MYCBP2: variants seen among roughly 807,000 people sequenced by gnomAD.
The protein encoded by MYCBP2 is MYC binding protein 2.
In MYCBP2, 120 loss-of-function variants were observed where a neutral mutation model predicts 525.3. That is an observed-to-expected ratio of 0.23 (90% confidence interval 0.20 to 0.27). The LOEUF (loss-of-function observed/expected upper bound fraction) is 0.27, where lower values mean the gene tolerates loss of function less well. MYCBP2 is among the 10% of genes least tolerant of loss of function. MYCBP2 has a pLI of 1.00. For missense variants in MYCBP2, 4,149 were observed against 5,657.1 expected (o/e 0.73, Z 8.55); for synonymous variants, 1,894 against 1,955.8 (o/e 0.97, Z 0.83).
At chr13:77,051,988 C>T (rs1274671180) in intron 80 of MYCBP2, 70 bp from the exon 81 acceptor site, 1 of 1,175,358 alleles carries the variant, frequency 8.5e-7, no homozygotes, top group Non-Finnish European at 1.3e-6. Context: ...ACAGTATGGG[C>T]ATAGTGAAAG....
intron 72 of MYCBP2, 104 bp from the exon 73 acceptor site, chr13:77,064,838 T>C: frequency 8.9e-7 from 1 of 1,120,344 alleles, no homozygotes; most frequent in Non-Finnish European, 1.2e-6. Flanking sequence ...ATATTTGTTT[T>C]TAGTGAGACC....
intron 54 of MYCBP2, among the ~76,000 whole-genome samples, chr13:77,121,762 T>C (rs2050733358): frequency 6.6e-6 from 1 of 152,198 alleles, no homozygotes; most frequent in Non-Finnish European, 1.5e-5. Flanking sequence ...TGTGGCAGGA[T>C]ACATTACTGA....
At chr13:77,225,581 T>C (rs761114678) in intron 18 of MYCBP2, 27 bp from the exon 19 acceptor site, 8 of 1,611,522 alleles carry the variant, frequency 5.0e-6, no homozygotes, top group Middle Eastern at 1.7e-4. Flanking sequence ...TTGTGAATTA[T>C]GATTAAGCCA....
At chr13:77,166,639 T>C in intron 40 of MYCBP2, 85 bp from the exon 41 acceptor site, 1 of 806,546 alleles carries the variant, frequency 1.2e-6, no homozygotes, top group Non-Finnish European at 1.9e-6. Flanking sequence ...TGTGTGTGTC[T>C]ATGCTTTTAT....
chr13:77,255,354 G>T (rs1190448220), intron 14 of MYCBP2, among the ~76,000 whole-genome samples: 1 of 151,526 alleles, frequency 6.6e-6, no homozygotes, highest in African/African-American at 2.4e-5. Flanking sequence ...TTACCAGCAG[G>T]GTAGGTATGA....
At chr13:77,114,997 TATC>T (rs998085031) in intron 55 of MYCBP2, among the ~76,000 whole-genome samples, 5 of 151,974 alleles carry the variant, frequency 3.3e-5, no homozygotes, top group African/African-American at 1.2e-4. Flanking sequence ...AACCCACAAT[TATC>T]ATACATCATA....
At chr13:77,096,279 A>G in intron 57 of MYCBP2, 33 bp downstream of exon 57, 2 of 1,606,002 alleles carry the variant, frequency 1.2e-6, no homozygotes, top group Non-Finnish European at 1.7e-6. Context: ...TATCCATATC[A>G]TTAAAAGTAT....
At chr13:77,128,975 C>G (rs1011561364) in intron 52 of MYCBP2, among the ~76,000 whole-genome samples, 6 of 151,962 alleles carry the variant, frequency 3.9e-5, no homozygotes, top group African/African-American at 1.4e-4. Context: ...GGAAGTATCA[C>G]TTAAACTAAT....
Position 77,205,590 on chromosome 13 carries a change from C to G in MYCBP2, c.3598G>C (p.Asp1200His), listed in dbSNP as rs772874984. The G allele has an allele frequency of 1.2e-6, 2 of 1,610,382 alleles. No individual in the cohort carries two copies. Among genetic ancestry groups the G allele is most frequent in the Non-Finnish European group, 1.7e-6 (2 of 1,178,988 alleles). Residue 1200 changes from aspartate (D) to histidine (H), a missense_variant, in exon 25 of 83, where the codon GAT becomes CAT. Transcript: ENST00000544440. ...HAALHILGCL[D>H]TLAAMQDLKM... The stretch of plus-strand genomic sequence containing the variant: ...AAGTCCTGCATAGCTGCCAAGGTAT[C>G]AAGACAACCTAAAACAACAAAGAAA...
intron 39 of MYCBP2, among the ~76,000 whole-genome samples, 198 bp from the exon 40 acceptor site, chr13:77,168,844 T>C (rs1367097283): frequency 6.6e-6 from 1 of 152,228 alleles, no homozygotes; most frequent in Non-Finnish European, 1.5e-5. Flanking sequence ...TATCTAAATC[T>C]ATATTTTTAA....
At chr13:77,166,606 A>C in intron 40 of MYCBP2, 52 bp from the exon 41 acceptor site, 1 of 1,246,906 alleles carries the variant, frequency 8.0e-7, no homozygotes, top group Non-Finnish European at 1.1e-6. Flanking sequence ...ATACACAAAC[A>C]TACACATCTG....
chr13:77,174,389 A>C lies in MYCBP2; in HGVS notation c.5573T>G (p.Phe1858Cys). Reference sequence around the variant, plus strand: ...GCTCAAGCTGCACGTGCTGAATGTGAATGTCACACCATCAGGGCACTGAAC... The same window carrying C: ...GCTCAAGCTGCACGTGCTGAATGTGCATGTCACACCATCAGGGCACTGAAC... The part of the protein sequence containing the change: ...TTVQCPDGVT[F>C]TFSTCSLSSN... Residue 1858 changes from phenylalanine to cysteine, a missense_variant, in exon 37 of 83, where the codon TTC becomes TGC. Phe to Cys is a radical substitution (Grantham distance 205). Transcript: ENST00000544440. 6.2e-7 allele frequency: 1 copy of C among 1,614,144 alleles called. No homozygotes were observed. Among genetic ancestry groups the C allele is most frequent in the Non-Finnish European group, 8.5e-7 (1 of 1,180,006 alleles).
At chr13:77,166,292 A>G in intron 41 of MYCBP2, 37 bp downstream of exon 41, 1 of 1,419,508 alleles carries the variant, frequency 7.0e-7, no homozygotes, top group Non-Finnish European at 9.7e-7. Context: ...AAATGCACTT[A>G]TTTTACCACA....
chr13:77,144,476 A>G lies in MYCBP2; in HGVS notation c.7272T>C (p.Thr2424=). 1 of 1,613,512 alleles carries G rather than the reference A, an allele frequency of 6.2e-7. No homozygotes were observed. Among genetic ancestry groups the G allele is most frequent in the Non-Finnish European group, 8.5e-7 (1 of 1,179,450 alleles). Residue 2424 remains threonine (T), a synonymous_variant, in exon 49 of 83, where the codon ACT becomes ACC. Coordinates refer to ENST00000544440, the MANE Select transcript of MYCBP2 (RefSeq NM_015057.5). ...NWTPGAIGLY[T]LHVTIDGIEI... ...CAATGCCATCAATGGTAACATGAAG[A>G]GTGTAGAGTCCAATAGCCCCTGGAG...
chr13:77,288,177 G>C lies in MYCBP2; in HGVS notation c.578C>G (p.Pro193Arg), dbSNP rs1433869996. The change falls in exon 3 of 83, where the codon CCT (proline) becomes CGT (arginine). Residue 193 changes from proline (P) to arginine (R), a missense_variant. This residue lies in a region of MYCBP2 where 413 missense variants were observed against 451.2 expected (regional missense o/e 0.92). Transcript: ENST00000544440. ...GTGGCTTACCTTTGGAAGCTTGATA[G>C]GGGGCTCTTTGGATTCCTCTTCTTC... is the stretch of plus-strand genomic sequence containing the variant. ...SDEEEESKEPPIKLPKIIEVG... is the reference protein window; with the variant it reads ...SDEEEESKEPRIKLPKIIEVG... 2.5e-6 allele frequency: 4 copies of C among 1,613,936 alleles called. No homozygotes were observed. Among genetic ancestry groups the C allele is most frequent in the Non-Finnish European group, 3.4e-6 (4 of 1,179,992 alleles).
intron 18 of MYCBP2, among the ~76,000 whole-genome samples, chr13:77,232,093 TTTTG>T (rs1408370497): frequency 1.2e-4 from 19 of 152,182 alleles, no homozygotes; most frequent in African/African-American, 3.4e-4. Flanking sequence ...GTTTTGTCTA[TTTTG>T]TTTATGTTTT....
chr13:77,052,477 G>A (rs2037025601), intron 80 of MYCBP2, among the ~76,000 whole-genome samples: 1 of 152,224 alleles, frequency 6.6e-6, no homozygotes, highest in Admixed American at 6.5e-5. Flanking sequence ...GGGATTATTG[G>A]CATGAGCCAC....
intron 68 of MYCBP2, among the ~76,000 whole-genome samples, chr13:77,076,442 G>A (rs1270188519): frequency 6.6e-6 from 1 of 152,182 alleles, no homozygotes; most frequent in East Asian, 1.9e-4. Flanking sequence ...GTACTTTTGA[G>A]CTGAACTGTG....
chr13:77,125,598 C>T, intron 53 of MYCBP2, 130 bp from the exon 54 acceptor site: 1 of 1,047,158 alleles, frequency 9.5e-7, no homozygotes, highest in South Asian at 2.2e-5. Flanking sequence ...AAATTAGTTT[C>T]TGAAATTAAG....
Sources: allele counts gnomAD v4.1 joint callset (sites outside exome capture counted in the v4.1 genomes callset), GRCh38; gene constraint gnomAD v4.1.1; regional missense constraint gnomAD v4.1.1; transcripts MANE v1.5; gene names NCBI Gene and HGNC (gene_info 2026-07-23, HGNC 2026-07-21).